Variants in HAGH observed in about 807,000 individuals in gnomAD.
The protein encoded by HAGH is hydroxyacylglutathione hydrolase, also known as hydroxyacylglutathione hydrolase, mitochondrial.
In HAGH, 29 loss-of-function variants were observed where a neutral mutation model predicts 35.1. The ratio of observed to expected loss-of-function variants is 0.83; its 90% CI spans 0.62 to 1.13. The LOEUF (loss-of-function observed/expected upper bound fraction) is 1.13, where lower values mean the gene tolerates loss of function less well. Ranked by LOEUF, HAGH falls within the 50% of genes most tolerant of loss-of-function variation. The pLI is 0.00. For missense variants in HAGH, 478 were observed against 419.6 expected (o/e 1.14, Z -1.22); for synonymous variants, 225 against 176.1 (o/e 1.28, Z -2.20).
At chr16:1,813,536 G>A (rs950733937) in intron 7 of HAGH, among the ~76,000 whole-genome samples, 3 of 152,198 alleles carry the variant, frequency 2.0e-5, no homozygotes, top group African/African-American at 7.2e-5. Context: ...AGTAACACGT[G>A]CAAGACCTTG....
In HAGH at chr16:1,822,384, G is replaced by A; in HGVS notation, c.250-20C>T. On this transcript the variant is annotated intron_variant, in intron 2 of 8. Coordinates refer to ENST00000397356, the MANE Select transcript of HAGH (RefSeq NM_005326.6). ...CACGACCTGCAGTGGCCCCGGGGAA[G>A]GACAAAGGCCTGTCACACTCCTAGG... is the stretch of plus-strand genomic sequence containing the variant. The A allele has an allele frequency of 6.3e-7, 1 of 1,590,356 alleles. No individual in the cohort carries two copies. The highest frequency in any genetic ancestry group is 1.3e-5 in the African/African-American group (1 of 74,648).
chr16:1,823,270 T>C (rs1039646792), intron 1 of HAGH, among the ~76,000 whole-genome samples: 9 of 93,966 alleles, frequency 9.6e-5, no homozygotes, highest in Non-Finnish European at 2.2e-4. Context: ...TGTCTTTTTT[T>C]TTTTCTTTTT....
chr16:1,819,874 C>G, intron 4 of HAGH, 23 bp downstream of exon 4: 1 of 1,445,712 alleles, frequency 6.9e-7, no homozygotes, highest in Non-Finnish European at 9.7e-7. Flanking sequence ...CACGCTGGAG[C>G]ACCTCCAGGG....
chr16:1,811,312 G>A (rs1267631900), intron 7 of HAGH, among the ~76,000 whole-genome samples: 4 of 152,192 alleles, frequency 2.6e-5, no homozygotes. Context: ...TACTGGAGAA[G>A]CTGAGGCAGG....
upstream of HAGH, chr16:1,827,020 G>C (rs985359469): frequency 4.2e-6 from 3 of 712,266 alleles, no homozygotes; most frequent in African/African-American, 5.5e-5. Flanking sequence ...GAGCTGCGCC[G>C]GGAGAGCTGT....
Position 1,810,060 on chromosome 16 carries a change from G to A in HAGH, c.748-227C>T, listed in dbSNP as rs999743284. On this transcript the variant is annotated intron_variant, in intron 7 of 8. Transcript: ENST00000397356. The stretch of plus-strand genomic sequence containing the variant: ...GGCACCTGTGGTCCCAGCTACTCAG[G>A]GGGCTGAGGTGGGAGGATCGCTTGA... The A allele has an allele frequency of 5.4e-6, 3 of 556,042 alleles. No individual in the cohort carries two copies. The African/African-American group carries it at 5.7e-5, about 11-fold the overall frequency. The allele number at this position is 556,042 out of a possible 1,614,324, so 34.4% of individuals were successfully genotyped here.
At chr16:1,812,804 C>T (rs962635846) in intron 7 of HAGH, among the ~76,000 whole-genome samples, 7 of 152,178 alleles carry the variant, frequency 4.6e-5, no homozygotes, top group East Asian at 1.9e-4. Context: ...GAATGGGAGG[C>T]GCCCTGCAGG....
At chr16:1,819,051 G>T in intron 5 of HAGH, 64 bp downstream of exon 5, 1 of 1,040,162 alleles carries the variant, frequency 9.6e-7, no homozygotes, top group Non-Finnish European at 1.5e-6. Flanking sequence ...CCGTGAGCCT[G>T]CCTGGCAGGA....
intron 1 of HAGH, among the ~76,000 whole-genome samples, chr16:1,825,271 T>C (rs935734012): frequency 3.3e-5 from 5 of 152,090 alleles, no homozygotes; most frequent in Admixed American, 6.6e-5. Flanking sequence ...TGAGCCGAGA[T>C]TGGCCACTGC....
In HAGH at chr16:1,823,047, C is replaced by A; in HGVS notation, c.77-10G>T. 1 of 1,612,930 alleles carries A rather than the reference C, an allele frequency of 6.2e-7. No homozygotes were observed. Among genetic ancestry groups the A allele is most frequent in the Non-Finnish European group, 8.5e-7 (1 of 1,179,692 alleles). ...CCCAGCAGGGCTGGACCTGCAGACA[C>A]AGAGCACAACTCAGCGGGCAGCCGC... On this transcript the variant is annotated splice_polypyrimidine_tract_variant and intron_variant, in intron 1 of 8. Transcript: ENST00000397356.
intron 7 of HAGH, among the ~76,000 whole-genome samples, chr16:1,812,830 A>G (rs1202147957): frequency 1.3e-5 from 2 of 152,192 alleles, no homozygotes; most frequent in Non-Finnish European, 2.9e-5. Flanking sequence ...GCCTCTCACC[A>G]GGGACTGGGC....
chr16:1,818,868 C>T, intron 5 of HAGH: 1 of 519,408 alleles, frequency 1.9e-6, no homozygotes, highest in Non-Finnish European at 3.5e-6. Flanking sequence ...CCGCCCGGAC[C>T]CCAGCTGTCC....
chr16:1,823,991 G>C (rs1898278058), intron 1 of HAGH, among the ~76,000 whole-genome samples: 1 of 152,130 alleles, frequency 6.6e-6, no homozygotes, highest in Non-Finnish European at 1.5e-5. Flanking sequence ...ACACAGACTA[G>C]GGGTGCCCCC....
At position 1,818,894 on chromosome 16, in the gene HAGH, C is replaced by G. The variant is rs970772269; in HGVS notation, c.541+221G>C. On this transcript the variant is annotated intron_variant, in intron 5 of 8. Coordinates refer to ENST00000397356, the MANE Select transcript of HAGH (RefSeq NM_005326.6). ...CCAGCTGTCCAGCAGTCTCCGCCAG[C>G]ACAGCCCTTGCTGCAAGCGTAACTT... The G allele has an allele frequency of 1.4e-5, 8 of 567,314 alleles. No homozygotes were observed. The African/African-American group carries it at 1.5e-4, about 11-fold the overall frequency. 35.1% of individuals were successfully genotyped at this position (567,314 alleles called of 1,614,324 possible).
chr16:1,813,082 A>G (rs1596915061), intron 7 of HAGH, among the ~76,000 whole-genome samples: 1 of 152,242 alleles, frequency 6.6e-6, no homozygotes, highest in Non-Finnish European at 1.5e-5. Flanking sequence ...CCATCCCTCC[A>G]AACGCATGCT....
intron 7 of HAGH, among the ~76,000 whole-genome samples, chr16:1,814,714 A>G (rs1366986410): frequency 6.6e-6 from 1 of 151,870 alleles, no homozygotes; most frequent in Non-Finnish European, 1.5e-5. Context: ...CCTGGATAAC[A>G]CGGTGAAACC....
chr16:1,822,849 G>C lies in HAGH; in HGVS notation c.249+16C>G, dbSNP rs1255371018. 2 of 1,607,946 alleles carry C rather than the reference G, an allele frequency of 1.2e-6. No homozygotes were observed. Among genetic ancestry groups the C allele is most frequent in the South Asian group, 2.2e-5 (2 of 91,014 alleles). On this transcript the variant is annotated intron_variant, in intron 2 of 8. Transcript: ENST00000397356. ...GGGTGACCAGGGCAGGGAGAGCCAG[G>C]CACAGCCATGCGCACCTTCTGGGGC...
At chr16:1,812,169 A>G (rs9928566) in intron 7 of HAGH, among the ~76,000 whole-genome samples, 109,736 of 141,440 alleles carry the variant, frequency 0.78, 42,527 homozygotes, top group Middle Eastern at 0.83. Flanking sequence ...CAGCCTGGGC[A>G]GCAGAGCAAG....
Position 1,822,630 on chromosome 16 carries a change from G to A in HAGH, c.249+235C>T, listed in dbSNP as rs989023872. On this transcript the variant is annotated intron_variant, in intron 2 of 8. Transcript: ENST00000397356. ...GCACCACCCCCAGAGGCAGCATGCA[G>A]GGGCAGAAAGCCCCCAAGAAGACTC... Among the ~76,000 whole-genome samples, 6 of 152,324 alleles carry A rather than the reference G, an allele frequency of 3.9e-5. No individual in the cohort carries two copies. In the East Asian group the frequency reaches 1.2e-3, roughly 29 times the overall value.
Sources: gnomAD v4.1 joint callset for allele counts (sites outside exome capture counted in the v4.1 genomes callset) on GRCh38, gnomAD v4.1.1 for gene constraint, MANE v1.5 for transcripts, NCBI Gene and HGNC (gene_info 2026-07-23, HGNC 2026-07-21) for gene names.